The following FBN1 variants were observed in gnomAD, a reference collection of about 807,000 sequenced individuals.
FBN1 encodes the protein fibrillin-1.
FBN1 carries 29 observed loss-of-function variants against 365.1 expected under a neutral mutation model. That is an observed-to-expected ratio of 0.08 (90% CI 0.06 to 0.11). The LOEUF is 0.11. Ranked by LOEUF, FBN1 falls within the 10% of genes least tolerant of loss-of-function variation. The pLI is 1.00. For missense variants in FBN1, 2,476 were observed against 3,703.2 expected, an observed-to-expected ratio of 0.67 and a Z score of 8.60; for synonymous variants, 1,210 against 1,270.5, an observed-to-expected ratio of 0.95 and a Z score of 1.01.
chr15:48,441,484 G>A (rs1247134392), intron 50 of FBN1, among the ~76,000 whole-genome samples: 1 of 152,118 alleles, frequency 6.6e-6, no homozygotes, highest in East Asian at 1.9e-4. Context: ...GTTCTTAGTG[G>A]GAGAGAGGTT....
chr15:48,508,542 G>A, intron 15 of FBN1, 40 bp downstream of exon 15: 1 of 1,613,016 alleles, frequency 6.2e-7, no homozygotes. Context: ...GAGGAGAAAA[G>A]GCACGTGAAG....
chr15:48,592,626 C>T (rs1281308944), intron 6 of FBN1, among the ~76,000 whole-genome samples: 1 of 151,686 alleles, frequency 6.6e-6, no homozygotes, highest in Non-Finnish European at 1.5e-5. Flanking sequence ...TAGGAGGCAA[C>T]AAGAAAACCA....
intron 8 of FBN1, among the ~76,000 whole-genome samples, chr15:48,532,496 A>C (rs1258472545): frequency 7.8e-6 from 1 of 127,912 alleles, no homozygotes; most frequent in African/African-American, 2.9e-5. Context: ...GTGTGTATAT[A>C]TATATGTGTA....
chr15:48,457,561 C>T (rs2043250851), intron 43 of FBN1, among the ~76,000 whole-genome samples: 1 of 152,142 alleles, frequency 6.6e-6, no homozygotes, highest in African/African-American at 2.4e-5. Context: ...GGACACCTCA[C>T]CAGCTTGGCC....
At chr15:48,492,724 T>C in intron 23 of FBN1, 138 bp from the exon 24 acceptor site, 3 of 699,942 alleles carry the variant, frequency 4.3e-6, no homozygotes, top group South Asian at 2.0e-5. Context: ...GTAGTTTGTG[T>C]AGAATTTCTA....
rs199522781 is a variant in FBN1, at chr15:48,421,596, C to G, written c.7661G>C (p.Arg2554Pro). The G allele has an allele frequency of 1.9e-6, 3 of 1,613,684 alleles. No homozygotes were observed. Among genetic ancestry groups the G allele is most frequent in the African/African-American group, 1.3e-5 (1 of 75,046 alleles). The change falls in exon 62 of 66, where the codon CGG becomes CCG. Residue 2554 changes from arginine to proline, a missense_variant. This residue lies in a region of FBN1 where 1,780 missense variants were observed against 2,840.8 expected (regional missense o/e 0.63). Transcript: ENST00000316623. ...GCCGGTCTGATCAAGTGAGAATCCC[C>G]GCTGGCATTCACAGGTGAAGCTTCC... ...TPGSFTCECQ[R>P]GFSLDQTGSS...
At chr15:48,454,965 T>A (rs889947035) in intron 44 of FBN1, among the ~76,000 whole-genome samples, 4 of 152,146 alleles carry the variant, frequency 2.6e-5, no homozygotes, top group Non-Finnish European at 4.4e-5. Context: ...AGAAACTGAG[T>A]AGTGTCACAG....
At chr15:48,459,366 G>T (rs972612328) in intron 43 of FBN1, among the ~76,000 whole-genome samples, 1 of 152,228 alleles carries the variant, frequency 6.6e-6, no homozygotes, top group Non-Finnish European at 1.5e-5. Context: ...CTTTGGACGT[G>T]GACGAGACTG....
chr15:48,594,887 C>T (rs16961218), intron 6 of FBN1, among the ~76,000 whole-genome samples: 1,894 of 152,268 alleles, frequency 0.012, 40 homozygotes, highest in African/African-American at 0.044. Flanking sequence ...CCTACAACTT[C>T]CCTGATTAAG....
chr15:48,437,164 G>C lies in FBN1; in HGVS notation c.6380-87C>G, dbSNP rs540078618. ...TGATCATTTCAGTGTTTAATCAAAAGATTATCTAATAATGCAATAATATAA... is the reference window on the plus strand; with the variant it reads ...TGATCATTTCAGTGTTTAATCAAAACATTATCTAATAATGCAATAATATAA... On this transcript the variant is annotated intron_variant, in intron 52 of 65. Transcript: ENST00000316623. 9.0e-4 allele frequency: 1,040 copies of C among 1,161,470 alleles called. No homozygotes were observed. The highest frequency in any genetic ancestry group is 1.3e-3 in the Non-Finnish European group (982 of 773,974). The allele number at this position is 1,161,470 out of a possible 1,614,324, so 71.9% of individuals were successfully genotyped here.
chr15:48,486,088 G>A (rs898127544), intron 29 of FBN1, among the ~76,000 whole-genome samples: 3 of 152,184 alleles, frequency 2.0e-5, no homozygotes, highest in Non-Finnish European at 2.9e-5. Flanking sequence ...GGAGACAGAT[G>A]AACAATTAAT....
intron 60 of FBN1, among the ~76,000 whole-genome samples, chr15:48,424,255 T>A (rs762381403): frequency 3.7e-4 from 57 of 152,322 alleles, no homozygotes; most frequent in African/African-American, 1.3e-3. Context: ...TATACAGGCT[T>A]TGTGCTGCAC....
chr15:48,415,888 C>T, intron 63 of FBN1, 121 bp from the exon 64 acceptor site: 1 of 794,058 alleles, frequency 1.3e-6, no homozygotes, highest in Non-Finnish European at 2.2e-6. Context: ...GAAGGTAAGA[C>T]AGGCAGAGGT....
At chr15:48,519,496 TG>T (rs757223897) in intron 10 of FBN1, among the ~76,000 whole-genome samples, 4 of 152,196 alleles carry the variant, frequency 2.6e-5, no homozygotes, top group Non-Finnish European at 4.4e-5. Context: ...AACACACATA[TG>T]GCACTCATGC....
At chr15:48,583,019 C>T (rs1379543146) in intron 6 of FBN1, among the ~76,000 whole-genome samples, 5 of 152,314 alleles carry the variant, frequency 3.3e-5, no homozygotes, top group Middle Eastern at 6.8e-3. Context: ...CTATTCCCAG[C>T]GTGGGAGTCA....
intron 38 of FBN1, among the ~76,000 whole-genome samples, chr15:48,467,633 T>G (rs374068803): frequency 3.1e-4 from 47 of 152,306 alleles, no homozygotes; most frequent in African/African-American, 8.7e-4. Context: ...AGAGGAGAGA[T>G]AATCAATGTG....
chr15:48,429,969 T>A (rs1252157279), intron 56 of FBN1, among the ~76,000 whole-genome samples: 1 of 152,224 alleles, frequency 6.6e-6, no homozygotes, highest in African/African-American at 2.4e-5. Flanking sequence ...TAGGAAATAT[T>A]TTAGGCTTTG....
intron 44 of FBN1, among the ~76,000 whole-genome samples, chr15:48,455,553 GT>G (rs1055763928): frequency 1.1e-4 from 17 of 152,196 alleles, no homozygotes; most frequent in African/African-American, 4.1e-4. Context: ...ATCATCTGCC[GT>G]GGGTTCCCTC....
At position 48,624,216 on chromosome 15, in the gene FBN1, A is replaced by T. The variant is rs117876165; in HGVS notation, c.165-11124T>A. 1.8e-4 allele frequency among the ~76,000 whole-genome samples: 28 copies of T among 152,346 alleles called. No homozygotes were observed. The East Asian group carries it at 5.0e-3, about 27-fold the overall frequency. ...ATGAAGACCAGAGGCACAGATGTTTAAAGTACATCATGTGTGCAGCAAGTC... is the reference window on the plus strand; with the variant it reads ...ATGAAGACCAGAGGCACAGATGTTTTAAGTACATCATGTGTGCAGCAAGTC... On this transcript the variant is annotated intron_variant, in intron 2 of 65. Coordinates refer to ENST00000316623, the MANE Select transcript of FBN1 (RefSeq NM_000138.5).
Sources: gnomAD v4.1 joint callset for allele counts (sites outside exome capture counted in the v4.1 genomes callset) on GRCh38, gnomAD v4.1.1 for gene constraint, gnomAD v4.1.1 regional missense constraint, MANE v1.5 for transcripts, NCBI Gene and HGNC (gene_info 2026-07-23, HGNC 2026-07-21) for gene names.